Variants in LONRF1 observed in about 807,000 individuals in gnomAD.
The protein encoded by LONRF1 is LON peptidase N-terminal domain and RING finger protein 1.
Under a neutral mutation model 85.8 loss-of-function variants are expected in LONRF1, and 37 were observed. That is an observed-to-expected ratio of 0.43 (90% CI 0.33 to 0.57). The LOEUF is 0.57. Among genes scored for constraint, LONRF1 ranks in the 20% least tolerant of loss-of-function variants. The pLI, the probability that LONRF1 is intolerant of heterozygous loss-of-function variation, is 0.04. For missense variants in LONRF1, 1,036 were observed against 978.0 expected (o/e 1.06, Z -0.79); for synonymous variants, 517 against 390.1 (o/e 1.33, Z -3.83).
intron 1 of LONRF1, among the ~76,000 whole-genome samples, chr8:12,747,948 T>A (rs1010235319): frequency 6.6e-6 from 1 of 152,178 alleles, no homozygotes; most frequent in Non-Finnish European, 1.5e-5. Flanking sequence ...ATTTTTAACA[T>A]GTAGTTTTAT....
In LONRF1 at chr8:12,755,271, C is replaced by T; in HGVS notation, c.150G>A (p.Leu50=). 1 of 1,237,090 alleles carries T rather than the reference C, an allele frequency of 8.1e-7. No homozygotes were observed. Among genetic ancestry groups the T allele is most frequent in the South Asian group, 3.2e-5 (1 of 31,664 alleles). The allele number at this position is 1,237,090 out of a possible 1,614,324, so 76.6% of individuals were successfully genotyped here. The part of the protein sequence containing the change: ...RAAAESERWE[L]LLRRGELLAL... ...CCAGCAGCTCCCCGCGGCGGAGCAG[C>T]AGCTCCCAGCGCTCCGACTCCGCGG... The change falls in exon 1 of 12, where the codon CTG becomes CTA. Residue 50 remains leucine (L), a synonymous_variant. Transcript: ENST00000398246.
chr8:12,734,073 G>A (rs889609654), intron 7 of LONRF1, among the ~76,000 whole-genome samples: 3 of 152,076 alleles, frequency 2.0e-5, no homozygotes, highest in African/African-American at 7.2e-5. Context: ...CAGTTAATCT[G>A]GAAAAACAAG....
intron 11 of LONRF1, among the ~76,000 whole-genome samples, chr8:12,723,945 G>A (rs1179430943): frequency 6.6e-6 from 1 of 152,280 alleles, no homozygotes; most frequent in Middle Eastern, 3.4e-3. Flanking sequence ...GAAACAACTA[G>A]AAATTTCCAT....
At position 12,722,927 on chromosome 8, in the gene LONRF1, C is replaced by G; in HGVS notation, c.*169G>C. 1 of 596,522 alleles carries G rather than the reference C, an allele frequency of 1.7e-6. No homozygotes were observed. Among genetic ancestry groups the G allele is most frequent in the Non-Finnish European group, 2.9e-6 (1 of 347,968 alleles). 37.0% of individuals were successfully genotyped at this position (596,522 alleles called of 1,614,324 possible). ...TGTGCAAGTTCTTAGTGGTCTAAAT[C>G]CTAGTTGAAGGTATTCATTTGCAGA... On this transcript the variant is annotated 3_prime_UTR_variant, in exon 12 of 12. Coordinates refer to ENST00000398246, the MANE Select transcript of LONRF1 (RefSeq NM_152271.5).
chr8:12,737,204 G>C (rs535589555), intron 4 of LONRF1, 64 bp from the exon 5 acceptor site: 3 of 1,559,190 alleles, frequency 1.9e-6, no homozygotes, highest in Admixed American at 1.7e-5. Context: ...CTCTCACCAA[G>C]AATCAAACTG....
At chr8:12,732,963 A>G (rs1476597050) in intron 7 of LONRF1, among the ~76,000 whole-genome samples, 2 of 152,186 alleles carry the variant, frequency 1.3e-5, no homozygotes, top group African/African-American at 4.8e-5. Context: ...TCCAATGAAG[A>G]GTAGATGGGG....
In LONRF1 at chr8:12,723,145, G is replaced by T. The variant is rs181156148; in HGVS notation, c.2273C>A (p.Thr758Asn). 12 of 1,614,160 alleles carry T rather than the reference G, an allele frequency of 7.4e-6. No individual in the cohort carries two copies. The highest frequency in any genetic ancestry group is 1.0e-5 in the Non-Finnish European group (12 of 1,180,004). Residue 758 changes from threonine (T) to asparagine (N), a missense_variant, in exon 12 of 12, where the codon ACC becomes AAC. Thr to Asn is a moderately conservative substitution (Grantham distance 65). This residue lies in a region of LONRF1 where 265 missense variants were observed against 301.5 expected (regional missense o/e 0.88). Transcript: ENST00000398246. ...ATAGGTCAGTATATGCTGTATCTTG[G>T]TCAACCGTTCTTTCAAAGACTTCAT... is the stretch of plus-strand genomic sequence containing the variant. ...LSMKSLKERL[T>N]KIQHILTYFS...
chr8:12,740,331 G>A (rs1798882428), intron 3 of LONRF1, among the ~76,000 whole-genome samples: 1 of 152,102 alleles, frequency 6.6e-6, no homozygotes, highest in Non-Finnish European at 1.5e-5. Context: ...AATTAACTTG[G>A]CTTAACCCAA....
chr8:12,731,487 T>A (rs1447445714), intron 8 of LONRF1, among the ~76,000 whole-genome samples: 1 of 152,014 alleles, frequency 6.6e-6, no homozygotes, highest in Non-Finnish European at 1.5e-5. Context: ...CTGATGGCAC[T>A]GTAGGAAATT....
intron 1 of LONRF1, among the ~76,000 whole-genome samples, chr8:12,751,024 G>C (rs1353990001): frequency 6.6e-6 from 1 of 152,128 alleles, no homozygotes; most frequent in Non-Finnish European, 1.5e-5. Context: ...TCATTTTTCA[G>C]ATAAGGAAAC....
intron 2 of LONRF1, among the ~76,000 whole-genome samples, chr8:12,741,549 G>C (rs1798935318): frequency 6.6e-6 from 1 of 152,248 alleles, no homozygotes; most frequent in Admixed American, 6.5e-5. Flanking sequence ...AGCTGGGCAG[G>C]ATCAGAAATA....
chr8:12,723,385 C>G, intron 11 of LONRF1, 131 bp from the exon 12 acceptor site: 1 of 741,030 alleles, frequency 1.3e-6, no homozygotes, highest in Middle Eastern at 3.7e-4. Flanking sequence ...ATGTCCTTAA[C>G]AATTATGCAA....
intron 1 of LONRF1, among the ~76,000 whole-genome samples, chr8:12,752,719 G>A (rs1273231044): frequency 2.0e-5 from 3 of 152,196 alleles, no homozygotes; most frequent in Admixed American, 1.3e-4. Context: ...GTCACAGAAT[G>A]TTAAGCTAGA....
At chr8:12,737,232 C>T in intron 4 of LONRF1, 92 bp from the exon 5 acceptor site, 1 of 1,352,744 alleles carries the variant, frequency 7.4e-7, no homozygotes, top group South Asian at 1.2e-5. Context: ...ATTTCAATGC[C>T]TTATAATGCT....
intron 7 of LONRF1, among the ~76,000 whole-genome samples, chr8:12,733,347 G>A (rs1798600222): frequency 6.6e-6 from 1 of 152,120 alleles, no homozygotes; most frequent in Non-Finnish European, 1.5e-5. Context: ...TTCTGGGGAT[G>A]AGGCAATCCA....
At chr8:12,751,294 A>ATGTTTTATTTTGTT (rs1321990506) in intron 1 of LONRF1, among the ~76,000 whole-genome samples, 3 of 84,808 alleles carry the variant, frequency 3.5e-5, no homozygotes, top group Non-Finnish European at 4.5e-5. Flanking sequence ...TTTTATTTTT[A>ATGTTTTATTTTGTT]TGTTTTTTTT....
chr8:12,729,885 G>A (rs1177165453), intron 8 of LONRF1, among the ~76,000 whole-genome samples: 1 of 152,162 alleles, frequency 6.6e-6, no homozygotes. Flanking sequence ...CAGATTGGTA[G>A]AAAGAAAGAG....
chr8:12,736,559 A>T (rs1027742094), intron 6 of LONRF1, 142 bp downstream of exon 6: 2 of 603,344 alleles, frequency 3.3e-6, no homozygotes, highest in Non-Finnish European at 5.5e-6. Flanking sequence ...ATGAAAGGTA[A>T]ACCCAGGACT....
intron 7 of LONRF1, among the ~76,000 whole-genome samples, chr8:12,734,265 T>A (rs200597725): frequency 6.7e-6 from 1 of 149,268 alleles, no homozygotes; most frequent in African/African-American, 2.5e-5. Flanking sequence ...GTTTTACATA[T>A]CAGCTTGTTA....
Sources: gnomAD v4.1 joint callset for allele counts (sites outside exome capture counted in the v4.1 genomes callset) on GRCh38, gnomAD v4.1.1 for gene constraint, gnomAD v4.1.1 regional missense constraint, MANE v1.5 for transcripts, NCBI Gene and HGNC (gene_info 2026-07-23, HGNC 2026-07-21) for gene names.